Variants in ZNF438 observed in about 807,000 individuals in gnomAD.
ZNF438 encodes zinc finger protein 438.
Under a neutral mutation model 38.0 loss-of-function variants are expected in ZNF438, and 25 were observed. That is an observed-to-expected ratio of 0.66 (90% CI 0.48 to 0.92). The LOEUF is 0.92. Among genes scored for constraint, ZNF438 ranks in the 40% least tolerant of loss-of-function variants. The pLI is 0.00. For synonymous variants in ZNF438, 372 were observed against 364.1 expected, an observed-to-expected ratio of 1.02 and a Z score of -0.25; for missense variants, 1,007 against 999.6, an observed-to-expected ratio of 1.01 and a Z score of -0.10.
chr10:31,017,270 A>G (rs1025073463), intron 1 of ZNF438, among the ~76,000 whole-genome samples: 2 of 152,250 alleles, frequency 1.3e-5, no homozygotes, highest in African/African-American at 4.8e-5. Flanking sequence ...ACCCTTGTCC[A>G]GGCAGTCTTG....
At chr10:31,026,394 G>GAA (rs200348299) in intron 1 of ZNF438, among the ~76,000 whole-genome samples, 1 of 151,786 alleles carries the variant, frequency 6.6e-6, no homozygotes, top group African/African-American at 2.4e-5. Context: ...AAATTTACAA[G>GAA]AAAAAATCAA....
At chr10:30,900,182 T>A (rs9416935) in intron 3 of ZNF438, among the ~76,000 whole-genome samples, 118,743 of 152,138 alleles carry the variant, frequency 0.78, 47,119 homozygotes, top group African/African-American at 0.89. Context: ...ATACTGAAAC[T>A]AAATTTTATA....
intron 3 of ZNF438, among the ~76,000 whole-genome samples, chr10:30,886,301 GT>G (rs2039942870): frequency 2.6e-5 from 4 of 152,276 alleles, no homozygotes; most frequent in Admixed American, 1.3e-4. Context: ...GGATGAACTT[GT>G]AATTCTTAAG....
exon 5 of ZNF438, chr10:30,849,567 C>A (rs1293343028): frequency 6.2e-7 from 1 of 1,614,226 alleles, no homozygotes; most frequent in Middle Eastern, 1.6e-4. Context: ...AACTGAACTG[C>A]ATTGCCAAGA....
chr10:31,021,335 T>C (rs2056576947), intron 1 of ZNF438, among the ~76,000 whole-genome samples: 2 of 152,192 alleles, frequency 1.3e-5, no homozygotes, highest in African/African-American at 2.4e-5. Context: ...AATATTACTG[T>C]GAAAGATCAA....
At chr10:30,996,886 A>C (rs889019130) in intron 1 of ZNF438, among the ~76,000 whole-genome samples, 3 of 152,178 alleles carry the variant, frequency 2.0e-5, no homozygotes, top group Admixed American at 6.5e-5. Flanking sequence ...ACAAATCAGT[A>C]ACAGAAGGAA....
At chr10:30,952,530 A>G (rs2048335856) in intron 1 of ZNF438, among the ~76,000 whole-genome samples, 1 of 149,694 alleles carries the variant, frequency 6.7e-6, no homozygotes, top group Non-Finnish European at 1.5e-5. Context: ...TCCAGAATCT[A>G]CAATAAACTC....
chr10:30,996,137 C>G (rs74134345), intron 1 of ZNF438, among the ~76,000 whole-genome samples: 5,017 of 152,068 alleles, frequency 0.033, 253 homozygotes, highest in African/African-American at 0.11. Flanking sequence ...ATTAAAGCAT[C>G]ACACTACAAT....
intron 2 of ZNF438, among the ~76,000 whole-genome samples, chr10:30,918,382 T>C (rs1246999298): frequency 1.3e-5 from 2 of 152,078 alleles, no homozygotes; most frequent in Non-Finnish European, 2.9e-5. Flanking sequence ...TTTAATTGAG[T>C]TTTCCAACCA....
chr10:31,011,328 C>A (rs1403999682), intron 1 of ZNF438, among the ~76,000 whole-genome samples: 1 of 152,222 alleles, frequency 6.6e-6, no homozygotes, highest in Admixed American at 6.5e-5. Context: ...GAGCACTGCA[C>A]TCCTGACCCC....
chr10:30,980,369 A>G (rs566366301), intron 1 of ZNF438, among the ~76,000 whole-genome samples: 2 of 152,222 alleles, frequency 1.3e-5, no homozygotes, highest in East Asian at 3.9e-4. Context: ...GTGACTTATG[A>G]CAGTGACTTA....
At chr10:30,959,370 C>T (rs1603002) in intron 1 of ZNF438, among the ~76,000 whole-genome samples, 4,522 of 146,474 alleles carry the variant, frequency 0.031, 663 homozygotes, top group Non-Finnish European at 0.053. Flanking sequence ...TCATCTGCAA[C>T]ATTGGCTCTT....
chr10:30,900,994 A>AT (rs1272223577), intron 3 of ZNF438, among the ~76,000 whole-genome samples: 1 of 152,124 alleles, frequency 6.6e-6, no homozygotes, highest in Non-Finnish European at 1.5e-5. Context: ...GTTCACTATG[A>AT]TTTTCTCTAA....
intron 4 of ZNF438, among the ~76,000 whole-genome samples, chr10:30,875,789 C>T (rs2038320191): frequency 1.3e-5 from 2 of 152,228 alleles, no homozygotes; most frequent in Admixed American, 1.3e-4. Context: ...CCATGGGTCC[C>T]CTTGGAGCAT....
chr10:30,870,479 C>T (rs936386610), intron 4 of ZNF438, among the ~76,000 whole-genome samples: 11 of 151,124 alleles, frequency 7.3e-5, no homozygotes, highest in African/African-American at 2.7e-4. Context: ...TTACTGTTTA[C>T]TTACGGTCTC....
At chr10:31,012,126 T>C (rs531206104) in intron 1 of ZNF438, among the ~76,000 whole-genome samples, 21 of 151,308 alleles carry the variant, frequency 1.4e-4, no homozygotes, top group Non-Finnish European at 2.1e-4. Context: ...CTTTTTTTTT[T>C]TTCTTTTTTT....
intron 1 of ZNF438, among the ~76,000 whole-genome samples, chr10:30,957,123 T>C (rs1228262295): frequency 6.6e-6 from 1 of 152,236 alleles, no homozygotes; most frequent in Non-Finnish European, 1.5e-5. Context: ...CTGTTTTGAT[T>C]TGCGTTTCCC....
At chr10:30,947,638 G>A (rs1564706391) in intron 1 of ZNF438, among the ~76,000 whole-genome samples, 2 of 152,260 alleles carry the variant, frequency 1.3e-5, no homozygotes, top group Non-Finnish European at 2.9e-5. Context: ...CTGCCGCCTT[G>A]CAGTTTGATC....
chr10:30,996,284 T>C (rs760574986), intron 1 of ZNF438, among the ~76,000 whole-genome samples: 1 of 151,958 alleles, frequency 6.6e-6, no homozygotes, highest in Non-Finnish European at 1.5e-5. Context: ...GATGAAGCAA[T>C]CTAATCAAAA....
Sources: allele counts gnomAD v4.1 joint callset (sites outside exome capture counted in the v4.1 genomes callset), GRCh38; gene constraint gnomAD v4.1.1; transcripts MANE v1.5; gene names NCBI Gene and HGNC (gene_info 2026-07-23, HGNC 2026-07-21).